NUP155: variants seen among roughly 807,000 people sequenced by gnomAD.
The protein encoded by NUP155 is nucleoporin 155, also known as nuclear pore complex protein Nup155.
Under a neutral mutation model 180.4 loss-of-function variants are expected in NUP155, and 71 were observed. That is an observed-to-expected ratio of 0.39 (90% CI 0.33 to 0.48). The LOEUF (loss-of-function observed/expected upper bound fraction) is 0.48. Among genes scored for constraint, NUP155 ranks in the 20% least tolerant of loss-of-function variants. NUP155 has a pLI of 0.91. For missense variants in NUP155, 1,553 were observed against 1,648.9 expected (o/e 0.94, Z 1.01); for synonymous variants, 582 against 559.5 (o/e 1.04, Z -0.57).
At chr5:37,359,930 C>T (rs1008140572) in intron 3 of NUP155, among the ~76,000 whole-genome samples, 3 of 152,014 alleles carry the variant, frequency 2.0e-5, no homozygotes, top group Non-Finnish European at 4.4e-5. Context: ...CCAGCCTGGC[C>T]AACACAATGA....
In NUP155 at chr5:37,327,792, G is replaced by C; in HGVS notation, c.1877-16C>G. 6.2e-7 allele frequency: 1 copy of C among 1,613,398 alleles called. No individual in the cohort carries two copies. The highest frequency in any genetic ancestry group is 8.5e-7 in the Non-Finnish European group (1 of 1,179,486). On this transcript the variant is annotated splice_polypyrimidine_tract_variant and intron_variant, in intron 17 of 34. Transcript: ENST00000231498. ...GGCTGTATACCTTGTACACACATAA[G>C]AAAAACAAATCTCTTAATCTTAATC...
intron 29 of NUP155, 131 bp downstream of exon 29, chr5:37,302,648 A>G: frequency 2.2e-6 from 2 of 897,374 alleles, no homozygotes; most frequent in Non-Finnish European, 3.5e-6. Context: ...AAAAATAAAT[A>G]TAAACAGACA....
intron 4 of NUP155, among the ~76,000 whole-genome samples, chr5:37,356,171 G>A (rs1487143885): frequency 6.8e-6 from 1 of 147,494 alleles, no homozygotes; most frequent in African/African-American, 2.5e-5. Flanking sequence ...GGAGGGTGCG[G>A]TGAGCCGAGA....
At chr5:37,298,843 G>C (rs753309840) in intron 32 of NUP155, 25 bp downstream of exon 32, 44 of 1,187,716 alleles carry the variant, frequency 3.7e-5, no homozygotes, top group Non-Finnish European at 5.4e-5. Context: ...GAAAATACGT[G>C]ACTGCACCTA....
chr5:37,295,971 GCCCGGCCAGCCGCCCCA>G, intron 32 of NUP155, among the ~76,000 whole-genome samples: 1 of 148,154 alleles, frequency 6.7e-6, no homozygotes, highest in Non-Finnish European at 1.5e-5. Context: ...GAGCCCCTCT[GCCCGGCCAGCCGCCCCA>G]TCCGGGAGGG....
intron 9 of NUP155, among the ~76,000 whole-genome samples, chr5:37,344,348 A>G (rs1745937352): frequency 6.7e-6 from 1 of 149,918 alleles, no homozygotes; most frequent in African/African-American, 2.4e-5. Flanking sequence ...TCTCAAAGAA[A>G]AAAAAAAAAA....
At chr5:37,314,910 C>G (rs1743787573) in intron 21 of NUP155, among the ~76,000 whole-genome samples, 1 of 151,744 alleles carries the variant, frequency 6.6e-6, no homozygotes, top group African/African-American at 2.4e-5. Context: ...TAACTTGGGA[C>G]AAAAGTAAAT....
Position 37,312,649 on chromosome 5 carries a change from G to A in NUP155, c.2436+1549C>T, listed in dbSNP as rs1743599397. On this transcript the variant is annotated intron_variant, in intron 22 of 34. Coordinates refer to ENST00000231498, the MANE Select transcript of NUP155 (RefSeq NM_153485.3). ...AACTATCCAGCCTAGGAGATACGGT[G>A]AAACCCCATCTCCACAAAAAAATAC... 2.0e-5 allele frequency among the ~76,000 whole-genome samples: 3 copies of A among 152,140 alleles called. No individual in the cohort carries two copies. In the South Asian group the frequency reaches 6.2e-4, roughly 32 times the overall value.
Position 37,293,002 on chromosome 5 carries a change from A to G in NUP155, c.3931-17T>C. The G allele has an allele frequency of 6.7e-7, 1 of 1,501,892 alleles. No individual in the cohort carries two copies. Among genetic ancestry groups the G allele is most frequent in the Admixed American group, 1.7e-5 (1 of 59,854 alleles). 93.0% of individuals were successfully genotyped at this position (1,501,892 alleles called of 1,614,324 possible). ...GAATGGATCCTATGAAGAAATATAC[A>G]TAATGAAATGTGAGGCAAATTGTGT... On this transcript the variant is annotated splice_polypyrimidine_tract_variant and intron_variant, in intron 33 of 34. Coordinates refer to ENST00000231498, the MANE Select transcript of NUP155 (RefSeq NM_153485.3).
intron 16 of NUP155, among the ~76,000 whole-genome samples, chr5:37,328,837 T>C (rs149283420): frequency 6.9e-4 from 105 of 152,304 alleles, no homozygotes; most frequent in African/African-American, 2.3e-3. Flanking sequence ...AGGAGTTACA[T>C]TGTCCACGAT....
intron 18 of NUP155, chr5:37,327,313 C>A (rs963843519): frequency 2.8e-6 from 1 of 351,282 alleles, no homozygotes; most frequent in African/African-American, 2.1e-5. Flanking sequence ...TTAAGAAAGT[C>A]AAAAGTTGTA....
At chr5:37,300,048 G>A (rs1164025700) in intron 30 of NUP155, among the ~76,000 whole-genome samples, 3 of 151,688 alleles carry the variant, frequency 2.0e-5, no homozygotes, top group African/African-American at 7.3e-5. Flanking sequence ...AAAGGGTAAG[G>A]GTATGGTAAA....
intron 25 of NUP155, 91 bp downstream of exon 25, chr5:37,307,206 A>G (rs1228306252): frequency 7.2e-7 from 1 of 1,384,182 alleles, no homozygotes; most frequent in Non-Finnish European, 1.0e-6. Context: ...TCAAAAAAAA[A>G]AAAAAAACAT....
intron 6 of NUP155, among the ~76,000 whole-genome samples, chr5:37,350,964 G>A (rs1342473101): frequency 6.6e-6 from 1 of 151,806 alleles, no homozygotes; most frequent in African/African-American, 2.4e-5. Flanking sequence ...ACATTGATGT[G>A]TGCCTTATGT....
intron 4 of NUP155, among the ~76,000 whole-genome samples, chr5:37,357,399 C>CAAAAAAAAAAAAAAAAAAAAAACAAAA (rs1746899542): frequency 3.2e-5 from 1 of 31,296 alleles, no homozygotes; most frequent in Non-Finnish European, 5.2e-5. Flanking sequence ...ACCTTAATCT[C>CAAAAAAAAAAAAAAAAAAAAAACAAAA]AAAAAAAAAA....
chr5:37,366,372 A>C (rs1179377679), intron 1 of NUP155, among the ~76,000 whole-genome samples: 1 of 152,264 alleles, frequency 6.6e-6, no homozygotes, highest in Non-Finnish European at 1.5e-5. Flanking sequence ...TGATTATCCA[A>C]CTTAATAACC....
chr5:37,336,782 A>G (rs1745353941), intron 12 of NUP155, among the ~76,000 whole-genome samples: 1 of 152,108 alleles, frequency 6.6e-6, no homozygotes, highest in African/African-American at 2.4e-5. Context: ...CTTGTCAGAA[A>G]TTTGGTAGAG....
chr5:37,352,756 G>A lies in NUP155; in HGVS notation c.537C>T (p.Ser179=). ...CCATACCTGTTTGCAAATTAGCATA[G>A]CTGAGTCCAAGAATTACTATGTCTA... The part of the protein sequence containing the change: ...TPVDIVILGL[S]YANLQTGSGV... Residue 179 remains serine (S), a synonymous_variant, in exon 5 of 35, where the codon AGC becomes AGT. Transcript: ENST00000231498. 1 of 1,612,968 alleles carries A rather than the reference G, an allele frequency of 6.2e-7. No individual in the cohort carries two copies. Among genetic ancestry groups the A allele is most frequent in the African/African-American group, 1.3e-5 (1 of 74,956 alleles).
chr5:37,362,873 G>A (rs1333950718), intron 3 of NUP155, among the ~76,000 whole-genome samples: 1 of 152,114 alleles, frequency 6.6e-6, no homozygotes, highest in Non-Finnish European at 1.5e-5. Flanking sequence ...TAGGTGTTAA[G>A]CTGTCATTTA....
Sources: allele counts gnomAD v4.1 joint callset (sites outside exome capture counted in the v4.1 genomes callset), GRCh38; gene constraint gnomAD v4.1.1; transcripts MANE v1.5; gene names NCBI Gene and HGNC (gene_info 2026-07-23, HGNC 2026-07-21).